Variants in VWC2L observed in about 807,000 individuals in gnomAD.
VWC2L encodes von Willebrand factor C domain containing 2 like.
Under a neutral mutation model 21.6 loss-of-function variants are expected in VWC2L, and 10 were observed. The ratio of observed to expected loss-of-function variants is 0.46; its 90% CI spans 0.29 to 0.78. The LOEUF is 0.78. VWC2L is among the 30% of genes least tolerant of loss of function. The probability of loss-of-function intolerance (pLI) is 0.10; values close to 1 mark genes in which losing one functional copy is unlikely to be tolerated. For missense variants in VWC2L, 209 were observed against 277.1 expected, an observed-to-expected ratio of 0.75 and a Z score of 1.74; for synonymous variants, 96 against 94.3, an observed-to-expected ratio of 1.02 and a Z score of -0.10.
chr2:214,439,641 T>C (rs1702734354), intron 3 of VWC2L, among the ~76,000 whole-genome samples: 1 of 151,938 alleles, frequency 6.6e-6, no homozygotes, highest in Non-Finnish European at 1.5e-5. Context: ...TTTTTCTGCC[T>C]TCCTGAATTA....
intron 3 of VWC2L, among the ~76,000 whole-genome samples, chr2:214,493,830 A>C (rs1490190492): frequency 6.6e-6 from 1 of 152,162 alleles, no homozygotes; most frequent in Admixed American, 6.6e-5. Context: ...TTATTGACAA[A>C]GGAGATGCTG....
At position 214,559,440 on chromosome 2, in the gene VWC2L, C is replaced by T. The variant is rs370852025; in HGVS notation, c.521-16232C>T. On this transcript the variant is annotated intron_variant, in intron 3 of 3. Transcript: ENST00000312504. ...AATGCTTTCCCATATCCCGAGCTTC[C>T]ACTGCAGATAGAAGCTGTTCCTGTG... 2.6e-5 allele frequency among the ~76,000 whole-genome samples: 4 copies of T among 152,084 alleles called. No individual in the cohort carries two copies. The East Asian group carries it at 7.7e-4, about 29-fold the overall frequency.
rs542353187 is a variant in VWC2L at position 214,532,280 on chromosome 2, T to G, written c.521-43392T>G. Among the ~76,000 whole-genome samples the G allele has an allele frequency of 3.9e-5, 6 of 152,302 alleles. No homozygotes were observed. The East Asian group carries it at 9.7e-4, about 25-fold the overall frequency. On this transcript the variant is annotated intron_variant, in intron 3 of 3. Transcript: ENST00000312504. ...ATATTAGGAGTATCATTATGACTAT[T>G]ACTTGAGATTCCAGATGTAAAAGCT...
intron 3 of VWC2L, among the ~76,000 whole-genome samples, chr2:214,440,026 T>C (rs1702741589): frequency 6.6e-6 from 1 of 151,934 alleles, no homozygotes; most frequent in African/African-American, 2.4e-5. Context: ...GGAATTTAAT[T>C]GTGTAAAGAA....
At chr2:214,511,500 C>T (rs906874603) in intron 3 of VWC2L, among the ~76,000 whole-genome samples, 57 of 152,094 alleles carry the variant, frequency 3.7e-4, no homozygotes, top group East Asian at 3.9e-4. Context: ...AGATTTGGGA[C>T]AATTTCTCCT....
chr2:214,463,190 A>T (rs1703166678), intron 3 of VWC2L, among the ~76,000 whole-genome samples: 1 of 152,146 alleles, frequency 6.6e-6, no homozygotes, highest in Admixed American at 6.5e-5. Context: ...TATCTATTTT[A>T]TCAGTTTGAG....
At chr2:214,507,553 G>C (rs1473824751) in intron 3 of VWC2L, among the ~76,000 whole-genome samples, 1 of 152,316 alleles carries the variant, frequency 6.6e-6, no homozygotes, top group Non-Finnish European at 1.5e-5. Flanking sequence ...GCAAGTCAGT[G>C]ATGGAACCAG....
At chr2:214,417,299 C>T (rs2126169918) in intron 2 of VWC2L, among the ~76,000 whole-genome samples, 1 of 152,058 alleles carries the variant, frequency 6.6e-6, no homozygotes, top group East Asian at 1.9e-4. Flanking sequence ...TATCTAGAAA[C>T]CAAAATCTCT....
chr2:214,510,147 G>C (rs1689031343), intron 3 of VWC2L: 1 of 151,934 alleles, frequency 6.6e-6, no homozygotes, highest in African/African-American at 2.4e-5. Flanking sequence ...TCTTTTTTCA[G>C]AATCAGAAAG....
intron 3 of VWC2L, among the ~76,000 whole-genome samples, chr2:214,531,798 C>T (rs1306713062): frequency 3.9e-5 from 6 of 152,214 alleles, no homozygotes; most frequent in Middle Eastern, 3.4e-3. Context: ...TGAATGCTTG[C>T]GTTTCAGGTT....
chr2:214,512,026 A>G (rs1333508027), intron 3 of VWC2L, among the ~76,000 whole-genome samples: 2 of 151,766 alleles, frequency 1.3e-5, no homozygotes, highest in Non-Finnish European at 2.9e-5. Flanking sequence ...TTTGAGACAT[A>G]TTATTTACAA....
At chr2:214,562,408 G>A (rs1049655844) in intron 3 of VWC2L, among the ~76,000 whole-genome samples, 1 of 152,140 alleles carries the variant, frequency 6.6e-6, no homozygotes, top group African/African-American at 2.4e-5. Context: ...AGGCATTTAG[G>A]TTGATTCCCT....
intron 3 of VWC2L, among the ~76,000 whole-genome samples, chr2:214,508,354 G>T (rs1428040089): frequency 6.6e-6 from 1 of 152,106 alleles, no homozygotes. Context: ...TTCGCCATTT[G>T]GTAAGATGAA....
chr2:214,510,385 C>T (rs755090193), intron 3 of VWC2L, among the ~76,000 whole-genome samples: 4 of 152,088 alleles, frequency 2.6e-5, no homozygotes, highest in Admixed American at 6.5e-5. Flanking sequence ...TATTTGGAGC[C>T]GCTTTCTGTT....
intron 3 of VWC2L, among the ~76,000 whole-genome samples, chr2:214,444,433 A>T (rs1289440428): frequency 6.6e-6 from 1 of 152,012 alleles, no homozygotes; most frequent in African/African-American, 2.4e-5. Context: ...AAAACCTATT[A>T]AAAATAATAA....
At chr2:214,536,101 A>G (rs530608500) in intron 3 of VWC2L, among the ~76,000 whole-genome samples, 21 of 152,270 alleles carry the variant, frequency 1.4e-4, no homozygotes, top group African/African-American at 5.1e-4. Flanking sequence ...GCTCACCATT[A>G]GAGCCCCCAT....
At chr2:214,542,043 C>T (rs940104955) in intron 3 of VWC2L, among the ~76,000 whole-genome samples, 2 of 152,100 alleles carry the variant, frequency 1.3e-5, no homozygotes, top group African/African-American at 4.8e-5. Context: ...CATTCATTAT[C>T]GGACAGCATT....
At chr2:214,529,291 G>T (rs1176883788) in intron 3 of VWC2L, among the ~76,000 whole-genome samples, 1 of 152,106 alleles carries the variant, frequency 6.6e-6, no homozygotes, top group East Asian at 1.9e-4. Context: ...TTATTAACGT[G>T]ACCAAAATCA....
chr2:214,507,609 AG>A (rs1267186477), intron 3 of VWC2L, among the ~76,000 whole-genome samples: 7 of 152,214 alleles, frequency 4.6e-5, no homozygotes, highest in Non-Finnish European at 1.0e-4. Flanking sequence ...ACCAAAGTCC[AG>A]AGTTTGTGCC....
Sources: gnomAD v4.1 joint callset for allele counts (sites outside exome capture counted in the v4.1 genomes callset) on GRCh38, gnomAD v4.1.1 for gene constraint, MANE v1.5 for transcripts, NCBI Gene and HGNC (gene_info 2026-07-23, HGNC 2026-07-21) for gene names.